TNFRSF11B: variants seen among roughly 807,000 people sequenced by gnomAD.
The protein encoded by TNFRSF11B is TNF receptor superfamily member 11b.
A neutral mutation model predicts 43.4 loss-of-function variants in TNFRSF11B; 16 were observed. The ratio of observed to expected loss-of-function variants is 0.37; its 90% CI spans 0.25 to 0.56. The LOEUF (loss-of-function observed/expected upper bound fraction) is 0.56, where lower values mean the gene tolerates loss of function less well. Among genes scored for constraint, TNFRSF11B ranks in the 20% least tolerant of loss-of-function variants. TNFRSF11B has a pLI of 0.80. For synonymous variants in TNFRSF11B, 185 were observed against 181.8 expected, an observed-to-expected ratio of 1.02 and a Z score of -0.14; for missense variants, 444 against 490.1, an observed-to-expected ratio of 0.91 and a Z score of 0.89.
intron 1 of TNFRSF11B, among the ~76,000 whole-genome samples, chr8:118,934,568 G>A (rs3102724): frequency 0.41 from 61,767 of 151,834 alleles, 13,119 homozygotes; most frequent in Middle Eastern, 0.53. Context: ...GTTTCAACTG[G>A]GTATTCTGTC....
chr8:118,950,902 T>C (rs1170311737), intron 1 of TNFRSF11B, among the ~76,000 whole-genome samples: 2 of 152,360 alleles, frequency 1.3e-5, no homozygotes, highest in Non-Finnish European at 2.9e-5. Flanking sequence ...AAAACACATA[T>C]GTGGCTTAAA....
At chr8:118,937,995 GCTAA>G (rs879471651) in intron 1 of TNFRSF11B, among the ~76,000 whole-genome samples, 4 of 151,994 alleles carry the variant, frequency 2.6e-5, no homozygotes, top group Non-Finnish European at 4.4e-5. Context: ...TATTAAATGC[GCTAA>G]CTGATTTTGC....
At chr8:118,938,131 AATTTT>A (rs773403194) in intron 1 of TNFRSF11B, among the ~76,000 whole-genome samples, 64 of 152,088 alleles carry the variant, frequency 4.2e-4, no homozygotes, top group African/African-American at 1.5e-3. Flanking sequence ...TTGAACATGG[AATTTT>A]ATTTTGTCTA....
chr8:118,932,599 T>C (rs577970822), intron 2 of TNFRSF11B, among the ~76,000 whole-genome samples: 1 of 151,814 alleles, frequency 6.6e-6, no homozygotes, highest in Admixed American at 6.6e-5. Flanking sequence ...AAGGTGTCCA[T>C]GCTGAAGTGA....
chr8:118,943,060 A>G (rs1478483864), intron 1 of TNFRSF11B, among the ~76,000 whole-genome samples: 1 of 152,070 alleles, frequency 6.6e-6, no homozygotes, highest in Non-Finnish European at 1.5e-5. Flanking sequence ...AGTACTTTAC[A>G]CAACCTCTCT....
At position 118,933,241 on chromosome 8, in the gene TNFRSF11B, A is replaced by G. The variant is rs1398968003; in HGVS notation, c.90T>C (p.His30=). 6.2e-7 allele frequency: 1 copy of G among 1,614,166 alleles called. No individual in the cohort carries two copies. Among genetic ancestry groups the G allele is most frequent in the Non-Finnish European group, 8.5e-7 (1 of 1,180,030 alleles). ...TQETFPPKYL[H]YDEETSHQLL... is the part of the protein sequence containing the mutation. ...GCTGATGAGAGGTTTCTTCGTCATA[A>G]TGAAGGTACTTTGGAGGAAACGTTT... Residue 30 remains histidine, a synonymous_variant, in exon 2 of 5, where the codon CAT becomes CAC. Coordinates refer to ENST00000297350, the MANE Select transcript of TNFRSF11B (RefSeq NM_002546.4).
chr8:118,950,982 G>C (rs1311535672), intron 1 of TNFRSF11B, among the ~76,000 whole-genome samples: 2 of 151,966 alleles, frequency 1.3e-5, no homozygotes, highest in Admixed American at 1.3e-4. Flanking sequence ...TAGTGTCATA[G>C]AGAAAATAAG....
chr8:118,950,040 T>C (rs1812618577), intron 1 of TNFRSF11B, among the ~76,000 whole-genome samples: 1 of 152,178 alleles, frequency 6.6e-6, no homozygotes, highest in Non-Finnish European at 1.5e-5. Context: ...TCATCTAAAA[T>C]TAGTATTATC....
Position 118,926,638 on chromosome 8 carries a change from C to G in TNFRSF11B, c.673G>C (p.Asp225His). The change falls in exon 4 of 5, where the codon GAC becomes CAC. Residue 225 changes from aspartate (D) to histidine (H), a missense_variant. Physicochemically the swap from Asp to His is moderately conservative, Grantham distance 81 (BLOSUM62 -1). Transcript: ENST00000297350. ...TTTACTTTGGTGCCAGGCAAATTGT[C>G]TACCAAGACACTAAGCCAGTTAGGC... ...FTPNWLSVLV[D>H]NLPGTKVNAE... The G allele has an allele frequency of 6.2e-7, 1 of 1,614,100 alleles. No individual in the cohort carries two copies. Among genetic ancestry groups the G allele is most frequent in the Non-Finnish European group, 8.5e-7 (1 of 1,179,986 alleles).
chr8:118,930,067 CAGAAAAAA>C (rs559253561), intron 2 of TNFRSF11B, among the ~76,000 whole-genome samples: 54 of 152,108 alleles, frequency 3.6e-4, no homozygotes, highest in Non-Finnish European at 7.1e-4. Flanking sequence ...AAAGGGCTGG[CAGAAAAAA>C]AGAACAGGAG....
chr8:118,950,967 C>T (rs1002522561), intron 1 of TNFRSF11B, among the ~76,000 whole-genome samples: 6 of 152,134 alleles, frequency 3.9e-5, no homozygotes, highest in Non-Finnish European at 7.4e-5. Flanking sequence ...ATGTACTCTA[C>T]ACTCTAGTGT....
intron 2 of TNFRSF11B, among the ~76,000 whole-genome samples, chr8:118,932,481 A>G (rs971730070): frequency 6.6e-6 from 1 of 152,164 alleles, no homozygotes; most frequent in Non-Finnish European, 1.5e-5. Flanking sequence ...TACATAATTA[A>G]TTATAACTGC....
At chr8:118,931,348 T>C (rs138071529) in intron 2 of TNFRSF11B, among the ~76,000 whole-genome samples, 2 of 152,352 alleles carry the variant, frequency 1.3e-5, no homozygotes, top group African/African-American at 4.8e-5. Flanking sequence ...ACTTTTGTTC[T>C]GAGTCTTCTG....
rs11573851 is a variant in TNFRSF11B at position 118,943,711 on chromosome 8, G to A, written c.30+8081C>T. On this transcript the variant is annotated intron_variant, in intron 1 of 4. Coordinates refer to ENST00000297350, the MANE Select transcript of TNFRSF11B (RefSeq NM_002546.4). ...AGTACCTATTCTAAAAATGATTAGC[G>A]TCTTTCTATTTTATGGCTTCCTCTT... Among the ~76,000 whole-genome samples, 1,137 of 152,180 alleles carry A rather than the reference G, an allele frequency of 7.5e-3. 10 individuals are homozygous for A. The highest frequency in any genetic ancestry group is 0.013 in the Non-Finnish European group (890 of 67,988).
At chr8:118,937,531 C>G (rs1812421296) in intron 1 of TNFRSF11B, among the ~76,000 whole-genome samples, 1 of 152,182 alleles carries the variant, frequency 6.6e-6, no homozygotes, top group Non-Finnish European at 1.5e-5. Context: ...AGTTCTGAAT[C>G]TGTTTATGCT....
At chr8:118,950,883 A>C (rs1332160899) in intron 1 of TNFRSF11B, among the ~76,000 whole-genome samples, 1 of 152,164 alleles carries the variant, frequency 6.6e-6, no homozygotes, top group Non-Finnish European at 1.5e-5. Context: ...CATTTACTCA[A>C]ACACATCCAA....
Position 118,933,235 on chromosome 8 carries a change from G to A in TNFRSF11B, c.96C>T (p.Asp32=), listed in dbSNP as rs4876870. Residue 32 remains aspartate (D), a synonymous_variant, in exon 2 of 5, where the codon GAC becomes GAT. Coordinates refer to ENST00000297350, the MANE Select transcript of TNFRSF11B (RefSeq NM_002546.4). Reference sequence around the variant, plus strand: ...ACAACAGCTGATGAGAGGTTTCTTCGTCATAATGAAGGTACTTTGGAGGAA... The same window carrying A: ...ACAACAGCTGATGAGAGGTTTCTTCATCATAATGAAGGTACTTTGGAGGAA... ...ETFPPKYLHY[D]EETSHQLLCD... is the part of the protein sequence containing the mutation. 405 of 1,614,112 alleles carry A rather than the reference G, an allele frequency of 2.5e-4. No individual in the cohort carries two copies. In the Middle Eastern group the frequency reaches 3.0e-3, roughly 12 times the overall value.
chr8:118,947,841 G>A (rs530264704), intron 1 of TNFRSF11B, among the ~76,000 whole-genome samples: 3 of 152,240 alleles, frequency 2.0e-5, no homozygotes, highest in African/African-American at 7.2e-5. Context: ...TATTACACGT[G>A]TTCCCCAGTC....
At chr8:118,940,962 A>G (rs987546318) in intron 1 of TNFRSF11B, among the ~76,000 whole-genome samples, 53 of 152,186 alleles carry the variant, frequency 3.5e-4, no homozygotes, top group Admixed American at 3.3e-3. Flanking sequence ...TCTTTTTTCA[A>G]ATCATTAGAC....
Sources: allele counts gnomAD v4.1 joint callset (sites outside exome capture counted in the v4.1 genomes callset), GRCh38; gene constraint gnomAD v4.1.1; transcripts MANE v1.5; gene names NCBI Gene and HGNC (gene_info 2026-07-23, HGNC 2026-07-21).